The following KCNMA1 variants were observed in gnomAD, a reference collection of about 807,000 sequenced individuals.
KCNMA1 encodes the protein potassium calcium-activated channel subfamily M alpha 1, also known as Calcium-activated potassium channel subunit alpha-1.
Under a neutral mutation model 140.0 loss-of-function variants are expected in KCNMA1, and 29 were observed. The observed-to-expected ratio is 0.21, with a 90% confidence interval of 0.15 to 0.28. KCNMA1 has a LOEUF of 0.28. Ranked by LOEUF, KCNMA1 falls within the 10% of genes least tolerant of loss-of-function variation. KCNMA1 has a pLI of 1.00. For missense variants in KCNMA1, 880 were observed against 1,602.2 expected, an observed-to-expected ratio of 0.55 and a Z score of 7.70; for synonymous variants, 612 against 611.9, an observed-to-expected ratio of 1.00 and a Z score of 0.00.
At chr10:77,401,709 G>A (rs2096273129) in intron 2 of KCNMA1, among the ~76,000 whole-genome samples, 2 of 152,124 alleles carry the variant, frequency 1.3e-5, no homozygotes, top group African/African-American at 4.8e-5. Context: ...ATTTTCTTGT[G>A]TTTAAGCCTG....
intron 1 of KCNMA1, among the ~76,000 whole-genome samples, chr10:77,584,425 G>C (rs573672343): frequency 3.3e-4 from 51 of 152,296 alleles, no homozygotes; most frequent in African/African-American, 1.2e-3. Context: ...CGCAATCTCG[G>C]CTCACTGCAA....
intron 2 of KCNMA1, among the ~76,000 whole-genome samples, chr10:77,290,093 C>A (rs906655744): frequency 6.6e-6 from 1 of 152,120 alleles, no homozygotes; most frequent in South Asian, 2.1e-4. Flanking sequence ...GGTGGTTACA[C>A]GCCTCCATAC....
rs2097239516 is a variant in KCNMA1 at position 77,108,268 on chromosome 10, C to T, written c.1223+213G>A. 3 of 1,456,138 alleles carry T rather than the reference C, an allele frequency of 2.1e-6. No homozygotes were observed. Among genetic ancestry groups the T allele is most frequent in the Non-Finnish European group, 2.7e-6 (3 of 1,109,950 alleles). 90.2% of individuals were successfully genotyped at this position (1,456,138 alleles called of 1,614,324 possible). On this transcript the variant is annotated intron_variant, in intron 9 of 27. Coordinates refer to ENST00000286628, the MANE Select transcript of KCNMA1 (RefSeq NM_001161352.2). The surrounding 1 kb of genome is among the most constrained non-coding windows in gnomAD (Gnocchi z 4.6). ...TGAAAGTCACTCAACCACATCTTTT[C>T]TGATGCAACTGACTTACTTTCTGCC...
chr10:77,050,756 C>T (rs945668855), intron 14 of KCNMA1, among the ~76,000 whole-genome samples: 5 of 152,178 alleles, frequency 3.3e-5, no homozygotes, highest in Admixed American at 3.3e-4. Flanking sequence ...GGCAAGTATT[C>T]TCCATGATGC....
chr10:76,883,933 TC>T (rs888016555), downstream of KCNMA1: 1 of 855,466 alleles, frequency 1.2e-6, no homozygotes, highest in African/African-American at 1.8e-5. Flanking sequence ...GTAGTAATGA[TC>T]CTTCTCCATC....
chr10:76,941,747 A>G (rs1424843012), intron 23 of KCNMA1, among the ~76,000 whole-genome samples: 1 of 152,048 alleles, frequency 6.6e-6, no homozygotes, highest in Non-Finnish European at 1.5e-5. Flanking sequence ...TTCTTCTGTC[A>G]TTTGTGCGGT....
intron 1 of KCNMA1, among the ~76,000 whole-genome samples, chr10:77,404,266 T>G (rs1001952177): frequency 4.6e-5 from 7 of 152,152 alleles, no homozygotes; most frequent in Non-Finnish European, 1.0e-4. Flanking sequence ...GATGGTATTA[T>G]TCTATTCTAT....
At chr10:77,622,121 G>T (rs2091557222) in intron 1 of KCNMA1, among the ~76,000 whole-genome samples, 1 of 152,172 alleles carries the variant, frequency 6.6e-6, no homozygotes, top group Non-Finnish European at 1.5e-5. Context: ...GTAGAGAAAA[G>T]GTGATTATCC....
At chr10:76,883,050 T>C (rs2035300545), downstream of KCNMA1, among the ~76,000 whole-genome samples, 1 of 152,194 alleles carries the variant, frequency 6.6e-6, no homozygotes, top group African/African-American at 2.4e-5. Context: ...TTTCCCATGC[T>C]GCAGAAGAGC....
At chr10:76,941,026 A>G (rs138087705) in intron 23 of KCNMA1, among the ~76,000 whole-genome samples, 2,158 of 46,280 alleles carry the variant, frequency 0.047, 37 homozygotes, top group Middle Eastern at 0.094. Context: ...AGGAAGAAAG[A>G]AAGAAAGAAA....
chr10:77,433,187 CTG>C (rs1167443742), intron 1 of KCNMA1, among the ~76,000 whole-genome samples: 1 of 152,150 alleles, frequency 6.6e-6, no homozygotes, highest in Non-Finnish European at 1.5e-5. Flanking sequence ...GAGTCTCACT[CTG>C]TTACCCAGGC....
At chr10:77,344,852 T>A (rs2091834207) in intron 2 of KCNMA1, among the ~76,000 whole-genome samples, 1 of 152,142 alleles carries the variant, frequency 6.6e-6, no homozygotes, top group Non-Finnish European at 1.5e-5. Context: ...ACCTTTCCTG[T>A]CTCCGTTGGC....
chr10:76,892,244 C>T (rs1181231873), intron 25 of KCNMA1, among the ~76,000 whole-genome samples: 2 of 152,136 alleles, frequency 1.3e-5, no homozygotes, highest in African/African-American at 2.4e-5. Flanking sequence ...TCAGAAATCT[C>T]GATCAATTAA....
chr10:77,095,770 C>T (rs1162613166), intron 9 of KCNMA1, among the ~76,000 whole-genome samples: 3 of 152,144 alleles, frequency 2.0e-5, no homozygotes, highest in Admixed American at 2.0e-4. Flanking sequence ...CCAGGAAAGC[C>T]TGCATGCCCA....
At chr10:76,946,990 C>T (rs1051089809) in intron 22 of KCNMA1, among the ~76,000 whole-genome samples, 2 of 152,112 alleles carry the variant, frequency 1.3e-5, no homozygotes, top group Admixed American at 6.6e-5. Flanking sequence ...AAATGACCTG[C>T]AAAGATGACA....
At chr10:77,416,877 A>G (rs890160684) in intron 1 of KCNMA1, among the ~76,000 whole-genome samples, 3 of 152,162 alleles carry the variant, frequency 2.0e-5, no homozygotes, top group Non-Finnish European at 2.9e-5. Context: ...CTCTTCGCTC[A>G]TATCTTCTGG....
chr10:76,915,124 T>C lies in KCNMA1; in HGVS notation c.2903-75A>G, dbSNP rs1009596246. 3.7e-5 allele frequency: 36 copies of C among 976,596 alleles called. 1 individual carries two copies. The highest frequency in any genetic ancestry group is 2.3e-4 in the South Asian group (18 of 77,776). The allele number at this position is 976,596 out of a possible 1,614,324, so 60.5% of individuals were successfully genotyped here. A position where few individuals can be genotyped will look rare whatever the true frequency, so the allele number is the denominator to read the frequency against. On this transcript the variant is annotated intron_variant, in intron 23 of 27. Coordinates refer to ENST00000286628, the MANE Select transcript of KCNMA1 (RefSeq NM_001161352.2). ...TTGGAAATAATCAGAGTACACTATA[T>C]ACATACAACCCCAAAAATGTAGCTT...
intron 1 of KCNMA1, among the ~76,000 whole-genome samples, chr10:77,539,840 T>C (rs1034645278): frequency 1.3e-5 from 2 of 152,074 alleles, no homozygotes; most frequent in Non-Finnish European, 2.9e-5. Context: ...GGGGAAGCAG[T>C]GGGAATACAG....
chr10:77,033,671 G>T (rs370533264), intron 15 of KCNMA1, among the ~76,000 whole-genome samples: 1 of 152,098 alleles, frequency 6.6e-6, no homozygotes, highest in African/African-American at 2.4e-5. Context: ...AAGCCCAAGC[G>T]TCCACCCCAT....
Sources: allele counts gnomAD v4.1 joint callset (sites outside exome capture counted in the v4.1 genomes callset), GRCh38; gene constraint gnomAD v4.1.1; non-coding constraint Gnocchi (gnomAD v3.1); transcripts MANE v1.5; gene names NCBI Gene and HGNC (gene_info 2026-07-23, HGNC 2026-07-21).